Variants in RPS6KA2 observed in about 807,000 individuals in gnomAD.
RPS6KA2 encodes the protein ribosomal protein S6 kinase A2.
A neutral mutation model predicts 91.8 loss-of-function variants in RPS6KA2; 42 were observed. That is an observed-to-expected ratio of 0.46 (90% CI 0.36 to 0.59). RPS6KA2 has a LOEUF of 0.59. RPS6KA2 is among the 20% of genes least tolerant of loss of function. RPS6KA2 has a pLI of 0.00. For synonymous variants in RPS6KA2, 414 were observed against 393.6 expected, an observed-to-expected ratio of 1.05 and a Z score of -0.61; for missense variants, 798 against 978.5, an observed-to-expected ratio of 0.82 and a Z score of 2.46.
intron 12 of RPS6KA2, among the ~76,000 whole-genome samples, chr6:166,457,474 G>A (rs1780140785): frequency 6.6e-6 from 1 of 152,230 alleles, no homozygotes; most frequent in South Asian, 2.1e-4. Flanking sequence ...TTACCGGAGA[G>A]AGCAGACCCA....
intron 14 of RPS6KA2, among the ~76,000 whole-genome samples, chr6:166,443,533 C>T (rs574464366): frequency 5.3e-5 from 8 of 152,288 alleles, no homozygotes; most frequent in African/African-American, 1.2e-4. Context: ...CACATGGAGA[C>T]GAGGAGTGTC....
At chr6:166,752,370 G>A (rs531398862) in intron 2 of RPS6KA2, among the ~76,000 whole-genome samples, 1 of 152,266 alleles carries the variant, frequency 6.6e-6, no homozygotes, top group South Asian at 2.1e-4. Flanking sequence ...ATTCAACAGC[G>A]AGCGGACACA....
chr6:166,692,355 A>C (rs1789233635), intron 2 of RPS6KA2, among the ~76,000 whole-genome samples: 1 of 152,186 alleles, frequency 6.6e-6, no homozygotes, highest in African/African-American at 2.4e-5. Context: ...TATGCCCAAG[A>C]AGAAGATGCT....
chr6:166,517,237 G>A (rs1207815442), intron 3 of RPS6KA2, among the ~76,000 whole-genome samples: 2 of 152,110 alleles, frequency 1.3e-5, no homozygotes, highest in Admixed American at 6.5e-5. Context: ...GCTCATACCT[G>A]TAATCCCAAC....
chr6:166,680,616 C>A (rs1181740775), intron 2 of RPS6KA2, among the ~76,000 whole-genome samples: 1 of 152,160 alleles, frequency 6.6e-6, no homozygotes. Context: ...ACGAACAACT[C>A]TGGACGTGCC....
chr6:166,620,362 A>C (rs1211032810), intron 1 of RPS6KA2, among the ~76,000 whole-genome samples: 3 of 152,224 alleles, frequency 2.0e-5, no homozygotes, highest in Non-Finnish European at 4.4e-5. Context: ...AAGGCTAGAT[A>C]ATTTCTACCA....
In RPS6KA2 at chr6:166,627,194, C is replaced by T; in HGVS notation, c.-175G>A. The T allele has an allele frequency of 9.5e-7, 1 of 1,047,504 alleles. No homozygotes were observed. The highest frequency in any genetic ancestry group is 1.1e-6 in the Non-Finnish European group (1 of 871,620). 64.9% of individuals were successfully genotyped at this position (1,047,504 alleles called of 1,614,324 possible). A position where few individuals can be genotyped will look rare whatever the true frequency, so the allele number is the denominator to read the frequency against. ...GTCACAAAGGGCAGGCCGCGCCGGC[C>T]ACCGCGGCCGGGGCCACAATCGCTC... On this transcript the variant is annotated 5_prime_UTR_variant, in exon 1 of 21. Transcript: ENST00000265678.
chr6:166,772,254 G>GC (rs1554256722), intron 2 of RPS6KA2, among the ~76,000 whole-genome samples: 1 of 132,324 alleles, frequency 7.6e-6, no homozygotes, highest in South Asian at 2.5e-4. Flanking sequence ...CCACCCCCCA[G>GC]CCCCCCCACC....
chr6:166,627,257 C>A (rs117841788), upstream of RPS6KA2: 14,392 of 1,009,994 alleles, frequency 0.014, 154 homozygotes, highest in East Asian at 0.065. Flanking sequence ...CGAGTACCAG[C>A]GCCGGCCACG....
chr6:166,785,078 G>A (rs1349391687), intron 2 of RPS6KA2, among the ~76,000 whole-genome samples: 1 of 152,190 alleles, frequency 6.6e-6, no homozygotes, highest in Non-Finnish European at 1.5e-5. Flanking sequence ...AAATCTTTCT[G>A]TGTTTGCGTC....
intron 2 of RPS6KA2, among the ~76,000 whole-genome samples, chr6:166,782,799 T>C (rs998939539): frequency 2.6e-5 from 4 of 152,086 alleles, no homozygotes; most frequent in Non-Finnish European, 4.4e-5. Flanking sequence ...GCACCCAAGG[T>C]GCAGGCAAGC....
At chr6:166,551,146 C>T (rs1272658308) in intron 1 of RPS6KA2, among the ~76,000 whole-genome samples, 1 of 151,476 alleles carries the variant, frequency 6.6e-6, no homozygotes, top group Non-Finnish European at 1.5e-5. Context: ...CTTTCAAAGT[C>T]CTTAGGATTA....
At chr6:166,498,372 C>T in intron 8 of RPS6KA2, 136 bp downstream of exon 8, 1 of 1,010,728 alleles carries the variant, frequency 9.9e-7, no homozygotes, top group South Asian at 2.0e-5. Context: ...AATGCTTGGC[C>T]TGGACACTTG....
chr6:166,437,486 C>G lies in RPS6KA2; in HGVS notation c.1333-4996G>C, dbSNP rs1294510684. On this transcript the variant is annotated intron_variant, in intron 14 of 20. Transcript: ENST00000265678. The surrounding 1 kb of genome is among the most constrained non-coding windows in gnomAD (Gnocchi z 4.3). ...TCGTGGGGCGGGGGACAAGCTCGCT[C>G]AGCTTTCTTTTTCTCATCTGGCAAC... is the stretch of plus-strand genomic sequence containing the variant. Among the ~76,000 whole-genome samples the G allele has an allele frequency of 2.0e-5, 3 of 152,180 alleles. No individual in the cohort carries two copies. Among genetic ancestry groups the G allele is most frequent in the Non-Finnish European group, 2.9e-5 (2 of 68,038 alleles).
intron 2 of RPS6KA2, among the ~76,000 whole-genome samples, chr6:166,644,963 G>GC (rs1438435101): frequency 1.3e-5 from 2 of 152,168 alleles, no homozygotes; most frequent in African/African-American, 4.8e-5. Context: ...AGGATTGCTG[G>GC]CAACACCAGA....
At chr6:166,807,683 G>T (rs957150315) in intron 2 of RPS6KA2, among the ~76,000 whole-genome samples, 1 of 151,930 alleles carries the variant, frequency 6.6e-6, no homozygotes, top group Non-Finnish European at 1.5e-5. Flanking sequence ...TGCAGGTCAC[G>T]CTGGCCTCCC....
intron 2 of RPS6KA2, among the ~76,000 whole-genome samples, chr6:166,780,582 T>A (rs7748360): frequency 0.22 from 32,749 of 151,820 alleles, 4,355 homozygotes; most frequent in African/African-American, 0.37. Context: ...AAGCCAGAGG[T>A]TCCCTTCATG....
At chr6:166,607,308 A>AT (rs1785989464) in intron 1 of RPS6KA2, among the ~76,000 whole-genome samples, 1 of 152,206 alleles carries the variant, frequency 6.6e-6, no homozygotes, top group Admixed American at 6.5e-5. Flanking sequence ...AAATAAAAAC[A>AT]TATGTCCACA....
intron 1 of RPS6KA2, among the ~76,000 whole-genome samples, chr6:166,545,210 A>G (rs192358270): frequency 6.6e-5 from 10 of 152,326 alleles, no homozygotes; most frequent in Admixed American, 5.9e-4. Flanking sequence ...ATTCGATACA[A>G]TGCTCAAATG....
Sources: gnomAD v4.1 joint callset for allele counts (sites outside exome capture counted in the v4.1 genomes callset) on GRCh38, gnomAD v4.1.1 for gene constraint, Gnocchi (gnomAD v3.1) non-coding constraint, MANE v1.5 for transcripts, NCBI Gene and HGNC (gene_info 2026-07-23, HGNC 2026-07-21) for gene names.